Variants in NAV2 observed in about 807,000 individuals in gnomAD.
NAV2 encodes neuron navigator 2, also known as helicase, APC down-regulated 1.
NAV2 carries 54 observed loss-of-function variants against 223.2 expected under a neutral mutation model. That is an observed-to-expected ratio of 0.24 (90% CI 0.19 to 0.30). NAV2 has a LOEUF of 0.30. Among genes scored for constraint, NAV2 ranks in the 10% least tolerant of loss-of-function variants. NAV2 has a pLI of 1.00. For synonymous variants in NAV2, 1,279 were observed against 1,239.3 expected, an observed-to-expected ratio of 1.03 and a Z score of -0.67; for missense variants, 2,806 against 3,147.5, an observed-to-expected ratio of 0.89 and a Z score of 2.60.
chr11:19,425,907 A>T (rs1850808215), intron 1 of NAV2, among the ~76,000 whole-genome samples: 1 of 152,222 alleles, frequency 6.6e-6, no homozygotes, highest in Non-Finnish European at 1.5e-5. Flanking sequence ...AAAAGTTATC[A>T]TCCAAAGCCC....
chr11:19,914,884 C>T (rs905883195), intron 6 of NAV2, among the ~76,000 whole-genome samples: 2 of 152,242 alleles, frequency 1.3e-5, no homozygotes, highest in African/African-American at 4.8e-5. Flanking sequence ...TCCCTTGCCA[C>T]TTAGAATTTC....
intron 1 of NAV2, among the ~76,000 whole-genome samples, chr11:19,410,621 T>A (rs551582170): frequency 6.6e-6 from 1 of 152,300 alleles, no homozygotes; most frequent in South Asian, 2.1e-4. Flanking sequence ...TATTCTCATT[T>A]TTTTCTTTGT....
intron 11 of NAV2, among the ~76,000 whole-genome samples, chr11:20,016,231 C>T (rs1011652679): frequency 5.9e-5 from 9 of 152,170 alleles, no homozygotes; most frequent in African/African-American, 2.2e-4. Context: ...AAAGACATCC[C>T]TGATGTTGGA....
intron 11 of NAV2, among the ~76,000 whole-genome samples, chr11:20,026,910 A>C (rs1165312787): frequency 6.6e-6 from 1 of 152,248 alleles, no homozygotes; most frequent in East Asian, 1.9e-4. Context: ...ACAGAGCCTG[A>C]CACATAGCAA....
intron 1 of NAV2, among the ~76,000 whole-genome samples, chr11:19,518,046 G>C (rs765479071): frequency 1.3e-5 from 2 of 152,238 alleles, no homozygotes; most frequent in Non-Finnish European, 2.9e-5. Context: ...GAGCTAAAGA[G>C]GGACAGAGAA....
intron 1 of NAV2, chr11:19,760,088 A>C (rs1008349354): frequency 6.6e-6 from 1 of 152,650 alleles, no homozygotes; most frequent in Non-Finnish European, 1.5e-5. Context: ...TATTTGAAAA[A>C]GAAAAATACT....
intron 1 of NAV2, among the ~76,000 whole-genome samples, chr11:19,745,166 C>T (rs7126318): frequency 0.42 from 64,466 of 151,988 alleles, 14,637 homozygotes; most frequent in East Asian, 0.6. Context: ...ATTTCAGAGG[C>T]ACCCAGAAAC....
At chr11:20,046,368 C>T (rs1224276050) in intron 14 of NAV2, among the ~76,000 whole-genome samples, 2 of 151,916 alleles carry the variant, frequency 1.3e-5, no homozygotes, top group Non-Finnish European at 2.9e-5. Context: ...AGCTACCATC[C>T]AATCCAGAAT....
chr11:19,477,718 G>C (rs1042114106), intron 1 of NAV2, among the ~76,000 whole-genome samples: 2 of 152,160 alleles, frequency 1.3e-5, no homozygotes, highest in African/African-American at 4.8e-5. Flanking sequence ...TTCCTTTCAT[G>C]TACATAATCT....
intron 11 of NAV2, among the ~76,000 whole-genome samples, chr11:19,988,470 G>A (rs1038800232): frequency 3.3e-5 from 5 of 152,104 alleles, no homozygotes; most frequent in African/African-American, 1.2e-4. Context: ...TAAAGAGTCA[G>A]CCTGAAACTT....
intron 1 of NAV2, among the ~76,000 whole-genome samples, chr11:19,702,549 C>A (rs550143085): frequency 6.6e-6 from 1 of 152,076 alleles, no homozygotes; most frequent in African/African-American, 2.4e-5. Context: ...GAGGCCAAGG[C>A]GGGCAGATTG....
At chr11:19,894,010 A>G (rs1299010481) in intron 6 of NAV2, among the ~76,000 whole-genome samples, 1 of 152,170 alleles carries the variant, frequency 6.6e-6, no homozygotes, top group Non-Finnish European at 1.5e-5. Flanking sequence ...TAACTTTCAC[A>G]ATGCATATAT....
chr11:19,486,363 T>G (rs1175162292), intron 1 of NAV2, among the ~76,000 whole-genome samples: 1 of 152,176 alleles, frequency 6.6e-6, no homozygotes, highest in East Asian at 1.9e-4. Flanking sequence ...TACTTCTGCC[T>G]TAGCCAATGA....
At chr11:19,588,103 T>C (rs1679598780) in intron 1 of NAV2, among the ~76,000 whole-genome samples, 1 of 152,228 alleles carries the variant, frequency 6.6e-6, no homozygotes, top group Admixed American at 6.5e-5. Flanking sequence ...CTAGTTCTAT[T>C]CCTTTCTTCC....
chr11:19,572,888 C>G (rs1243813926), intron 1 of NAV2, among the ~76,000 whole-genome samples: 1 of 152,144 alleles, frequency 6.6e-6, no homozygotes, highest in African/African-American at 2.4e-5. Context: ...CTGGGGAAAC[C>G]TATATGAATA....
At chr11:19,787,290 T>A (rs1461987924) in intron 1 of NAV2, among the ~76,000 whole-genome samples, 1 of 142,820 alleles carries the variant, frequency 7.0e-6, no homozygotes, top group African/African-American at 2.7e-5. Context: ...TTTTTTTTTT[T>A]TTTTTTTTGG....
At chr11:19,540,212 C>T (rs1844884483) in intron 1 of NAV2, among the ~76,000 whole-genome samples, 1 of 152,148 alleles carries the variant, frequency 6.6e-6, no homozygotes, top group Non-Finnish European at 1.5e-5. Context: ...GGCAACTTGT[C>T]CCTGAGCTGC....
intron 14 of NAV2, among the ~76,000 whole-genome samples, 198 bp downstream of exon 14, chr11:20,045,868 C>G (rs2057374675): frequency 6.6e-6 from 1 of 152,210 alleles, no homozygotes; most frequent in Non-Finnish European, 1.5e-5. Context: ...CCTCTGGAAT[C>G]AATCATCTTA....
intron 1 of NAV2, among the ~76,000 whole-genome samples, chr11:19,675,486 G>C (rs1227403647): frequency 6.6e-6 from 1 of 152,200 alleles, no homozygotes; most frequent in Non-Finnish European, 1.5e-5. Context: ...GCATCAGTCT[G>C]TAGTTGCTTT....
Sources: allele counts gnomAD v4.1 joint callset (sites outside exome capture counted in the v4.1 genomes callset), GRCh38; gene constraint gnomAD v4.1.1; transcripts MANE v1.5; gene names NCBI Gene and HGNC (gene_info 2026-07-23, HGNC 2026-07-21).